Variants in NXPE4 observed in about 807,000 individuals in gnomAD.
The protein encoded by NXPE4 is neurexophilin and PC-esterase domain family member 4.
In NXPE4, 42 loss-of-function variants were observed where a neutral mutation model predicts 33.3. That is an observed-to-expected ratio of 1.26 (90% confidence interval 0.98 to 1.63). The LOEUF is 1.63. Ranked by LOEUF, NXPE4 falls within the 40% of genes most tolerant of loss-of-function variation. The pLI is 0.00. For synonymous variants in NXPE4, 253 were observed against 234.9 expected (o/e 1.08, Z -0.71); for missense variants, 709 against 647.6 (o/e 1.09, Z -1.03).
At position 114,581,763 on chromosome 11, in the gene NXPE4, A is replaced by G. The variant is rs909502889; in HGVS notation, c.854T>C (p.Met285Thr). 3 of 1,611,396 alleles carry G rather than the reference A, an allele frequency of 1.9e-6. No homozygotes were observed. Among genetic ancestry groups the G allele is most frequent in the Admixed American group, 3.4e-5 (2 of 59,482 alleles). ...GACACTAATTGTATTGAATTTTTCC[A>G]TAATCTCTACACCCACATTTGACCT... ...FERSNVGVEI[M>T]EKFNTISVSK... Residue 285 changes from methionine (M) to threonine (T), a missense_variant, in exon 4 of 6, where the codon ATG (methionine) becomes ACG (threonine). Transcript: ENST00000375478.
At chr11:114,593,704 C>G (rs1565339700) in intron 2 of NXPE4, among the ~76,000 whole-genome samples, 2 of 152,036 alleles carry the variant, frequency 1.3e-5, no homozygotes, top group Non-Finnish European at 2.9e-5. Flanking sequence ...ATCAGTATAT[C>G]CAAGAGCTAT....
the NXPE4 span, among the ~76,000 whole-genome samples, chr11:114,606,579 A>G: frequency 1.1e-4 from 16 of 151,954 alleles, 1 homozygote; most frequent in African/African-American, 2.4e-4. Context: ...CTGGTTTATT[A>G]TAAGTATTTC....
In NXPE4 at chr11:114,594,719, AG is replaced by A. The variant is rs756013054; in HGVS notation, c.40del (p.Leu14CysfsTer5). Reference sequence around the variant, plus strand: ...GATCCAGGAGGCTAATATAAACAACAGTGCCAATAGTGACTTATAATTTATC... The same window carrying A: ...GATCCAGGAGGCTAATATAAACAACATGCCAATAGTGACTTATAATTTATC... ...SMINYKSLLA[L>X]LFILASWIIF... On this transcript the variant is annotated frameshift_variant, in exon 2 of 6. Transcript: ENST00000375478. LOFTEE classifies it high-confidence loss of function. 2 of 1,598,276 alleles carry A rather than the reference AG, an allele frequency of 1.3e-6. No individual in the cohort carries two copies. Among genetic ancestry groups the A allele is most frequent in the Non-Finnish European group, 8.6e-7 (1 of 1,167,992 alleles).
the NXPE4 span, among the ~76,000 whole-genome samples, chr11:114,612,249 GA>G: frequency 6.7e-6 from 1 of 150,044 alleles, no homozygotes; most frequent in Non-Finnish European, 1.5e-5. Flanking sequence ...ACACGGTGGA[GA>G]ATAAGTGTTG....
At chr11:114,653,475 G>A in the NXPE4 span, among the ~76,000 whole-genome samples, 1 of 150,324 alleles carries the variant, frequency 6.7e-6, no homozygotes, top group Non-Finnish European at 1.5e-5. Context: ...ACCCTTGGGT[G>A]CTTGTACTCC....
At chr11:114,579,192 G>C (rs998797708) in intron 5 of NXPE4, among the ~76,000 whole-genome samples, 6 of 152,168 alleles carry the variant, frequency 3.9e-5, no homozygotes, top group Non-Finnish European at 1.5e-5. Flanking sequence ...GAGCAAGAGA[G>C]ATGCCAGGCT....
intron 2 of NXPE4, among the ~76,000 whole-genome samples, chr11:114,585,405 A>G (rs1949268620): frequency 6.6e-6 from 1 of 152,180 alleles, no homozygotes; most frequent in Admixed American, 6.5e-5. Context: ...CTTTAAGGAC[A>G]CACATAGACT....
At chr11:114,632,456 G>A in the NXPE4 span, among the ~76,000 whole-genome samples, 1 of 122,392 alleles carries the variant, frequency 8.2e-6, no homozygotes, top group Admixed American at 1.0e-4. Flanking sequence ...ATTTATAAGA[G>A]TTATACATTA....
At chr11:114,607,932 T>G in the NXPE4 span, among the ~76,000 whole-genome samples, 2 of 152,008 alleles carry the variant, frequency 1.3e-5, no homozygotes, top group African/African-American at 4.8e-5. Flanking sequence ...AAGTATTGCC[T>G]CATGTCTAAC....
At position 114,582,568 on chromosome 11, in the gene NXPE4, G is replaced by A. The variant is rs776448352; in HGVS notation, c.550C>T (p.Pro184Ser). The A allele has an allele frequency of 9.3e-6, 15 of 1,614,020 alleles. No homozygotes were observed. The East Asian group carries it at 3.3e-4, about 36-fold the overall frequency. ...CAGAGAGCTGACACCCCTTCACTGG[G>A]GTGGATGAGCAGCAGAGACAGAGAG... ...QVSLSLLLIH[P>S]SEGVSALWSA... Residue 184 changes from proline to serine, a missense_variant, in exon 3 of 6, where the codon CCC becomes TCC. Physicochemically the swap from Pro to Ser is moderately conservative, Grantham distance 74 (BLOSUM62 -1). Coordinates refer to ENST00000375478, the MANE Select transcript of NXPE4 (RefSeq NM_001077639.2).
the NXPE4 span, among the ~76,000 whole-genome samples, chr11:114,638,287 G>T: frequency 6.6e-6 from 1 of 151,810 alleles, no homozygotes; most frequent in Non-Finnish European, 1.5e-5. Flanking sequence ...TCTTCATGTA[G>T]TTCTCGAGCC....
chr11:114,587,380 G>A (rs1177620518), intron 2 of NXPE4, among the ~76,000 whole-genome samples: 1 of 152,168 alleles, frequency 6.6e-6, no homozygotes, highest in Non-Finnish European at 1.5e-5. Context: ...CTTTAGTACA[G>A]GACATAATAG....
At chr11:114,629,489 C>T in the NXPE4 span, among the ~76,000 whole-genome samples, 1 of 151,308 alleles carries the variant, frequency 6.6e-6, no homozygotes, top group African/African-American at 2.4e-5. Flanking sequence ...GCTAAAAACT[C>T]TCAATAAATT....
the NXPE4 span, among the ~76,000 whole-genome samples, chr11:114,631,760 GATA>G: frequency 4.0e-5 from 6 of 151,804 alleles, no homozygotes; most frequent in South Asian, 6.2e-4. Context: ...TCACCCGGTG[GATA>G]ATAAGTATTG....
chr11:114,606,971 G>T, the NXPE4 span, among the ~76,000 whole-genome samples: 2 of 151,542 alleles, frequency 1.3e-5, no homozygotes, highest in Non-Finnish European at 2.9e-5. Context: ...GTGTTGCCTT[G>T]TGGGTAACCA....
chr11:114,656,919 C>T, the NXPE4 span, among the ~76,000 whole-genome samples: 2 of 151,896 alleles, frequency 1.3e-5, no homozygotes, highest in South Asian at 2.1e-4. Context: ...GGTGAAACCC[C>T]GTCTCTACTA....
the NXPE4 span, among the ~76,000 whole-genome samples, chr11:114,614,299 G>C: frequency 2.7e-5 from 4 of 149,128 alleles, no homozygotes; most frequent in Non-Finnish European, 6.0e-5. Context: ...CCGGTGGATA[G>C]TAAGTATTGC....
chr11:114,590,727 T>A (rs760686089), intron 2 of NXPE4, among the ~76,000 whole-genome samples: 1 of 152,196 alleles, frequency 6.6e-6, no homozygotes, highest in Non-Finnish European at 1.5e-5. Context: ...AAACTTGATT[T>A]GCAGGTAAAG....
the NXPE4 span, among the ~76,000 whole-genome samples, chr11:114,671,742 C>A: frequency 0.098 from 14,965 of 151,934 alleles, 938 homozygotes; most frequent in African/African-American, 0.17. Context: ...CTCAGATAAA[C>A]AAAACTGAGA....
Sources: allele counts gnomAD v4.1 joint callset (sites outside exome capture counted in the v4.1 genomes callset), GRCh38; gene constraint gnomAD v4.1.1; transcripts MANE v1.5; gene names NCBI Gene and HGNC (gene_info 2026-07-23, HGNC 2026-07-21).